ADGRG1: variants seen among roughly 807,000 people sequenced by gnomAD.
ADGRG1 encodes 7-transmembrane protein with no EGF-like N-terminal domains-1.
In ADGRG1, 53 loss-of-function variants were observed where a neutral mutation model predicts 73.5. The ratio of observed to expected loss-of-function variants is 0.72; its 90% CI spans 0.58 to 0.91. The LOEUF is 0.91. ADGRG1 is among the 40% of genes least tolerant of loss of function. The pLI is 0.00. For missense variants in ADGRG1, 795 were observed against 871.8 expected, an observed-to-expected ratio of 0.91 and a Z score of 1.11; for synonymous variants, 394 against 374.4, an observed-to-expected ratio of 1.05 and a Z score of -0.60.
At chr16:57,656,488 G>A in intron 8 of ADGRG1, 26 bp from the exon 9 acceptor site, 1 of 1,592,624 alleles carries the variant, frequency 6.3e-7, no homozygotes, top group South Asian at 1.1e-5. Context: ...GGACTTGATT[G>A]GAGCCCCGTG....
chr16:57,630,672 A>G, intron 1 of ADGRG1: 1 of 324,446 alleles, frequency 3.1e-6, no homozygotes, highest in Non-Finnish European at 4.4e-6. Flanking sequence ...AACAAACAAC[A>G]GTTAGGAGGT....
chr16:57,624,733 AC>A, upstream of ADGRG1: 1 of 983,732 alleles, frequency 1.0e-6, no homozygotes, highest in Non-Finnish European at 1.2e-6. Flanking sequence ...GGATGCCCTA[AC>A]CCCTTATCCC....
intron 1 of ADGRG1, chr16:57,636,353 G>A (rs1331856082): frequency 1.4e-5 from 14 of 985,226 alleles, no homozygotes; most frequent in Admixed American, 6.2e-5. Context: ...AAAGGCATGC[G>A]CTCCCAGGCT....
chr16:57,628,535 C>G, upstream of ADGRG1: 1 of 985,512 alleles, frequency 1.0e-6, no homozygotes, highest in Non-Finnish European at 1.2e-6. Flanking sequence ...ATATATCGTC[C>G]GTCATCCCCA....
chr16:57,655,995 G>C lies in ADGRG1; in HGVS notation c.1017+3G>C. The C allele has an allele frequency of 6.2e-7, 1 of 1,614,046 alleles. No homozygotes were observed. The highest frequency in any genetic ancestry group is 8.5e-7 in the Non-Finnish European group (1 of 1,180,032). Reference sequence around the variant, plus strand: ...CTTTCCAGCACCAGCTACAGCCGGTGAGTGGGGGCCAGCCATCAAGAGAAC... The same window carrying C: ...CTTTCCAGCACCAGCTACAGCCGGTCAGTGGGGGCCAGCCATCAAGAGAAC... On this transcript the variant is annotated splice_donor_region_variant and intron_variant, in intron 7 of 13. Transcript: ENST00000562631.
chr16:57,653,076 C>T, intron 3 of ADGRG1, 127 bp from the exon 4 acceptor site: 2 of 1,571,728 alleles, frequency 1.3e-6, no homozygotes, highest in Non-Finnish European at 1.7e-6. Context: ...CTTGAAGCCT[C>T]AGTTTCCCCT....
At chr16:57,655,255 C>T in intron 5 of ADGRG1, 144 bp from the exon 6 acceptor site, 1 of 1,559,580 alleles carries the variant, frequency 6.4e-7, no homozygotes. Flanking sequence ...GGAGGGCTGT[C>T]ATGAGTCAGG....
chr16:57,661,932 C>G lies in ADGRG1; in HGVS notation c.1900C>G (p.Leu634Val). The G allele has an allele frequency of 6.2e-7, 1 of 1,614,238 alleles. No homozygotes were observed. Among genetic ancestry groups the G allele is most frequent in the Middle Eastern group, 1.6e-4 (1 of 6,062 alleles). The change falls in exon 13 of 14, where the codon CTC becomes GTC. Residue 634 changes from leucine (L) to valine (V), a missense_variant. Physicochemically the swap from Leu to Val is conservative, Grantham distance 32. Transcript: ENST00000562631. ...FASGTFQLVVLYLFSIITSFQ... is the reference protein window; with the variant it reads ...FASGTFQLVVVYLFSIITSFQ... ...TTCTGGCACCTTCCAGCTTGTCGTCCTCTACCTTTTCAGCATCATCACCTC... is the reference window on the plus strand; with the variant it reads ...TTCTGGCACCTTCCAGCTTGTCGTCGTCTACCTTTTCAGCATCATCACCTC...
chr16:57,644,954 T>G (rs985363811), intron 1 of ADGRG1: 4 of 432,232 alleles, frequency 9.3e-6, no homozygotes, highest in Admixed American at 7.5e-5. Context: ...CACCCACTGA[T>G]CACACACTCA....
rs147345428 is a variant in ADGRG1 at position 57,630,382 on chromosome 16, A to AG, written c.-36+1583dup. ...CCAGACCTGACCCCTTCTTTGCTGC[A>AG]GGGACCCGAGATATGCACCCACCTT... On this transcript the variant is annotated intron_variant, in intron 1 of 13. Coordinates refer to ENST00000562631, the MANE Select transcript of ADGRG1 (RefSeq NM_201525.4). 1,320 of 985,492 alleles carry AG rather than the reference A, an allele frequency of 1.3e-3. 20 individuals carry two copies. The African/African-American group carries it at 0.021, about 16-fold the overall frequency. The allele number at this position is 985,492 out of a possible 1,614,324, so 61.0% of individuals were successfully genotyped here.
chr16:57,660,063 C>T (rs2046709737), intron 11 of ADGRG1, among the ~76,000 whole-genome samples: 1 of 152,170 alleles, frequency 6.6e-6, no homozygotes, highest in Non-Finnish European at 1.5e-5. Context: ...CCTCAGGATC[C>T]CCCTGGACCT....
intron 13 of ADGRG1, chr16:57,663,018 A>G: frequency 2.0e-6 from 2 of 984,828 alleles, no homozygotes; most frequent in Non-Finnish European, 2.4e-6. Flanking sequence ...TCAGGATTGT[A>G]AGTGAGGCCC....
At chr16:57,660,942 C>T (rs1021163864) in intron 12 of ADGRG1, 66 bp downstream of exon 12, 31 of 968,716 alleles carry the variant, frequency 3.2e-5, no homozygotes, top group East Asian at 7.5e-5. Flanking sequence ...GAGTGCAGCC[C>T]GGGCCCAGGT....
chr16:57,655,014 C>T (rs1597539231), intron 5 of ADGRG1: 1 of 978,338 alleles, frequency 1.0e-6, no homozygotes, highest in Non-Finnish European at 1.2e-6. Flanking sequence ...GCCACTGCAC[C>T]CAGCCACACA....
In ADGRG1 at chr16:57,652,088, T is replaced by C. The variant is rs1045830044; in HGVS notation, c.487+466T>C. 4 of 1,035,990 alleles carry C rather than the reference T, an allele frequency of 3.9e-6. No individual in the cohort carries two copies. The South Asian group carries it at 1.0e-4, about 27-fold the overall frequency. The allele number at this position is 1,035,990 out of a possible 1,614,324, so 64.2% of individuals were successfully genotyped here. ...TGCCCAAAGCTGCACAGCTAGCCAATGGGAGAGCCAGGATTTGAACCCAGC... is the reference window on the plus strand; with the variant it reads ...TGCCCAAAGCTGCACAGCTAGCCAACGGGAGAGCCAGGATTTGAACCCAGC... On this transcript the variant is annotated intron_variant, in intron 3 of 13. Coordinates refer to ENST00000562631, the MANE Select transcript of ADGRG1 (RefSeq NM_201525.4).
At chr16:57,639,619 A>G (rs1426876596) in intron 1 of ADGRG1, 1 of 985,400 alleles carries the variant, frequency 1.0e-6, no homozygotes, top group Non-Finnish European at 1.2e-6. Context: ...CTCATCTGCC[A>G]CGCACGTTCT....
chr16:57,622,868 C>T (rs2035132300), upstream of ADGRG1: 4 of 985,420 alleles, frequency 4.1e-6, no homozygotes, highest in South Asian at 1.9e-4. Flanking sequence ...ACCTTGGAGG[C>T]CCAGCCAGCC....
Position 57,642,195 on chromosome 16 carries a change from T to A in ADGRG1, c.-35-8058T>A. On this transcript the variant is annotated intron_variant, in intron 1 of 13. Transcript: ENST00000562631. Reference sequence around the variant, plus strand: ...AGGCCCAGCTGGCCACGGCCAACTTTAATGGAATGGCACACCTGGGACAGG... The same window carrying A: ...AGGCCCAGCTGGCCACGGCCAACTTAAATGGAATGGCACACCTGGGACAGG... The A allele has an allele frequency of 7.1e-6, 7 of 985,454 alleles. No homozygotes were observed. The South Asian group carries it at 2.8e-4, about 40-fold the overall frequency. The allele number at this position is 985,454 out of a possible 1,614,324, so 61.0% of individuals were successfully genotyped here.
In ADGRG1 at chr16:57,653,205, C is replaced by A. The variant is rs781499938; in HGVS notation, c.490C>A (p.Pro164Thr). ...AASFTFSFHS[P>T]PHTAAHNASV... ...GGGCCTGTCCACCCCTCCCCCAGGTCCTCCCCACACGGCCGCTCACAATGC... is the reference window on the plus strand; with the variant it reads ...GGGCCTGTCCACCCCTCCCCCAGGTACTCCCCACACGGCCGCTCACAATGC... Residue 164 changes from proline (P) to threonine (T), a missense_variant and splice_region_variant, in exon 4 of 14, where the codon CCT (proline) becomes ACT (threonine). Transcript: ENST00000562631. The A allele has an allele frequency of 1.1e-5, 17 of 1,608,368 alleles. No homozygotes were observed. The South Asian group carries it at 1.8e-4, about 17-fold the overall frequency.
Sources: allele counts gnomAD v4.1 joint callset (sites outside exome capture counted in the v4.1 genomes callset), GRCh38; gene constraint gnomAD v4.1.1; transcripts MANE v1.5; gene names NCBI Gene and HGNC (gene_info 2026-07-23, HGNC 2026-07-21).